The following APBB2 variants were observed in gnomAD, a reference collection of about 807,000 sequenced individuals.
APBB2 encodes the protein amyloid beta precursor protein binding family B member 2, also known as Fe65-like 1.
APBB2 carries 38 observed loss-of-function variants against 82.5 expected under a neutral mutation model. The ratio of observed to expected loss-of-function variants is 0.46; its 90% CI spans 0.36 to 0.60. The LOEUF is 0.60. APBB2 is among the 20% of genes least tolerant of loss of function. APBB2 has a pLI of 0.00. For synonymous variants in APBB2, 341 were observed against 368.2 expected, an observed-to-expected ratio of 0.93 and a Z score of 0.85; for missense variants, 772 against 972.3, an observed-to-expected ratio of 0.79 and a Z score of 2.74.
intron 3 of APBB2, among the ~76,000 whole-genome samples, chr4:41,074,901 C>A (rs184582408): frequency 3.7e-4 from 57 of 152,232 alleles, no homozygotes; most frequent in Non-Finnish European, 7.1e-4. Context: ...GTAATCCCAG[C>A]ACTTTGGGAG....
At chr4:41,153,724 A>G (rs1451897338) in intron 1 of APBB2, among the ~76,000 whole-genome samples, 11 of 152,216 alleles carry the variant, frequency 7.2e-5, no homozygotes, top group Non-Finnish European at 1.5e-4. Context: ...ATTGAGTTTC[A>G]TGCAGATCTA....
chr4:41,149,704 C>G (rs1761732697), intron 1 of APBB2, among the ~76,000 whole-genome samples: 1 of 152,200 alleles, frequency 6.6e-6, no homozygotes, highest in Non-Finnish European at 1.5e-5. Flanking sequence ...CAAATCTCAT[C>G]TTGAATTGTA....
chr4:41,117,283 A>G (rs924764684), intron 2 of APBB2, among the ~76,000 whole-genome samples: 21 of 138,344 alleles, frequency 1.5e-4, no homozygotes, highest in Middle Eastern at 3.6e-3. Flanking sequence ...TATTGTTGTT[A>G]TTATTATTAT....
chr4:41,127,475 G>A lies in APBB2; in HGVS notation c.-261+15512C>T, dbSNP rs1000491964. On this transcript the variant is annotated intron_variant, in intron 2 of 17. Coordinates refer to ENST00000508593, the MANE Select transcript of APBB2 (RefSeq NM_004307.2). This position sits in a 1 kb window ranked among gnomAD's most constrained non-coding sequence, Gnocchi z 4.8. Reference sequence around the variant, plus strand: ...TTCTTGGCATGAAAGGTTGCCTACTGCTGTGTTAATCTAGACTACCTGCTT... The same window carrying A: ...TTCTTGGCATGAAAGGTTGCCTACTACTGTGTTAATCTAGACTACCTGCTT... Among the ~76,000 whole-genome samples, 2 of 152,170 alleles carry A rather than the reference G, an allele frequency of 1.3e-5. No individual in the cohort carries two copies. Among genetic ancestry groups the A allele is most frequent in the African/African-American group, 4.8e-5 (2 of 41,442 alleles).
chr4:40,934,915 C>CA (rs369593828), intron 8 of APBB2, 162 bp downstream of exon 8: 20 of 702,102 alleles, frequency 2.8e-5, no homozygotes, highest in Middle Eastern at 3.9e-4. Flanking sequence ...TGGGAGACAC[C>CA]AAAAAAAGGC....
intron 1 of APBB2, among the ~76,000 whole-genome samples, chr4:41,146,336 A>C (rs1387761450): frequency 6.7e-6 from 1 of 150,024 alleles, no homozygotes; most frequent in Admixed American, 6.6e-5. Flanking sequence ...AAAAAAAAAA[A>C]AAAAAAAAAA....
At chr4:40,845,311 A>T (rs1157891909) in intron 12 of APBB2, among the ~76,000 whole-genome samples, 1 of 152,146 alleles carries the variant, frequency 6.6e-6, no homozygotes, top group Non-Finnish European at 1.5e-5. Flanking sequence ...GCTTCTGCAC[A>T]AGACAAACCA....
intron 4 of APBB2, among the ~76,000 whole-genome samples, chr4:41,057,731 A>G (rs1271230464): frequency 6.6e-6 from 1 of 152,206 alleles, no homozygotes; most frequent in Admixed American, 6.5e-5. Flanking sequence ...AAGAACCTGG[A>G]AAAATAAGTC....
At chr4:40,852,638 CAA>C (rs993068692) in intron 12 of APBB2, among the ~76,000 whole-genome samples, 1 of 150,472 alleles carries the variant, frequency 6.6e-6, no homozygotes, top group African/African-American at 2.4e-5. Context: ...AAAAGAAAGT[CAA>C]AGTCTTTTTT....
chr4:41,115,769 C>A (rs1258009290), intron 2 of APBB2, among the ~76,000 whole-genome samples: 1 of 152,156 alleles, frequency 6.6e-6, no homozygotes, highest in African/African-American at 2.4e-5. Context: ...AATGAGATAC[C>A]ATCTCATGCC....
At chr4:40,971,289 G>T (rs948876987) in intron 6 of APBB2, among the ~76,000 whole-genome samples, 3 of 152,100 alleles carry the variant, frequency 2.0e-5, no homozygotes, top group Admixed American at 6.5e-5. Context: ...TTTTAAACCT[G>T]AATTCTCTTA....
At chr4:41,126,469 C>G (rs1040288741) in intron 2 of APBB2, among the ~76,000 whole-genome samples, 1 of 152,034 alleles carries the variant, frequency 6.6e-6, no homozygotes. Context: ...ACCTGGCGAC[C>G]CTGTGAGCAT....
intron 3 of APBB2, among the ~76,000 whole-genome samples, chr4:41,090,076 A>G (rs560792583): frequency 6.6e-6 from 1 of 152,368 alleles, no homozygotes; most frequent in South Asian, 2.1e-4. Flanking sequence ...GAGTCCCTAT[A>G]TGAATATCTC....
intron 2 of APBB2, among the ~76,000 whole-genome samples, chr4:41,106,617 C>T (rs1193285359): frequency 6.6e-6 from 1 of 152,120 alleles, no homozygotes; most frequent in East Asian, 1.9e-4. Context: ...GCTGGGACTA[C>T]AGGCGCCCGC....
intron 12 of APBB2, among the ~76,000 whole-genome samples, chr4:40,851,287 A>T (rs1312138459): frequency 6.6e-6 from 1 of 152,198 alleles, no homozygotes; most frequent in East Asian, 1.9e-4. Flanking sequence ...CTTTAGAACC[A>T]AACAACCTTT....
chr4:41,011,718 A>G (rs1808425864), intron 6 of APBB2, among the ~76,000 whole-genome samples: 1 of 152,170 alleles, frequency 6.6e-6, no homozygotes, highest in Non-Finnish European at 1.5e-5. Flanking sequence ...GGCGTGAGCC[A>G]TCATGCCGGT....
intron 12 of APBB2, among the ~76,000 whole-genome samples, chr4:40,866,122 T>A (rs970041249): frequency 7.9e-5 from 12 of 152,174 alleles, no homozygotes; most frequent in African/African-American, 2.9e-4. Flanking sequence ...CCAAGATGAG[T>A]GAACACTTCT....
chr4:40,862,068 T>G (rs1202635256), intron 12 of APBB2, among the ~76,000 whole-genome samples: 2 of 152,224 alleles, frequency 1.3e-5, no homozygotes, highest in Admixed American at 6.5e-5. Context: ...TAACCTATGA[T>G]GTCCCCAAGT....
intron 2 of APBB2, among the ~76,000 whole-genome samples, chr4:41,112,373 T>A (rs749087353): frequency 6.6e-6 from 1 of 152,190 alleles, no homozygotes; most frequent in Non-Finnish European, 1.5e-5. Context: ...TGGCCACAAG[T>A]ATCTGGGATA....
Sources: allele counts gnomAD v4.1 joint callset (sites outside exome capture counted in the v4.1 genomes callset), GRCh38; gene constraint gnomAD v4.1.1; non-coding constraint Gnocchi (gnomAD v3.1); transcripts MANE v1.5; gene names NCBI Gene and HGNC (gene_info 2026-07-23, HGNC 2026-07-21).